RAB31: variants seen among roughly 807,000 people sequenced by gnomAD.
The protein encoded by RAB31 is ras-related protein Rab-31.
A neutral mutation model predicts 25.6 loss-of-function variants in RAB31; 21 were observed. The observed-to-expected ratio is 0.82, with a 90% confidence interval of 0.58 to 1.18. The LOEUF (loss-of-function observed/expected upper bound fraction) is 1.18, where lower values mean the gene tolerates loss of function less well. Among genes scored for constraint, RAB31 ranks in the 50% most tolerant of loss-of-function variants. The probability of loss-of-function intolerance (pLI) is 0.00; values close to 1 mark genes in which losing one functional copy is unlikely to be tolerated. For synonymous variants in RAB31, 87 were observed against 84.0 expected (o/e 1.04, Z -0.20); for missense variants, 196 against 250.1 (o/e 0.78, Z 1.46).
intron 1 of RAB31, among the ~76,000 whole-genome samples, chr18:9,741,254 T>C (rs1379257661): frequency 1.3e-5 from 2 of 151,482 alleles, no homozygotes; most frequent in African/African-American, 4.9e-5. Context: ...CGGGCACCTA[T>C]AATCCCAGCT....
rs189563505 is a variant in RAB31, at chr18:9,777,077, C to T, written c.119+1720C>T. Among the ~76,000 whole-genome samples, 568 of 152,268 alleles carry T rather than the reference C, an allele frequency of 3.7e-3. 3 individuals are homozygous for T. Among genetic ancestry groups the T allele is most frequent in the Middle Eastern group, 0.031 (9 of 294 alleles). ...TATATATCCACCGGAAGCGGTGGTTCACGCCTGTAATTCTAGCTCTTTGGG... is the reference window on the plus strand; with the variant it reads ...TATATATCCACCGGAAGCGGTGGTTTACGCCTGTAATTCTAGCTCTTTGGG... On this transcript the variant is annotated intron_variant, in intron 2 of 6. Transcript: ENST00000578921.
intron 1 of RAB31, among the ~76,000 whole-genome samples, chr18:9,720,183 C>G (rs1162417727): frequency 1.3e-4 from 20 of 152,174 alleles, no homozygotes; most frequent in Non-Finnish European, 1.5e-5. Flanking sequence ...AGGCTGGTCT[C>G]GAACTCCTGA....
In RAB31 at chr18:9,845,518, T is replaced by C. The variant is rs1342668264; in HGVS notation, c.381-64T>C. On this transcript the variant is annotated intron_variant, in intron 5 of 6. Coordinates refer to ENST00000578921, the MANE Select transcript of RAB31 (RefSeq NM_006868.4). ...TGTTGCCGCACAAGCTGTCTGGTCT[T>C]TTGGGTGATTTGTATTTTACAAACA... 5.7e-6 allele frequency: 8 copies of C among 1,400,054 alleles called. No individual in the cohort carries two copies. In the African/African-American group the frequency reaches 1.2e-4, roughly 20 times the overall value. 86.7% of individuals were successfully genotyped at this position (1,400,054 alleles called of 1,614,324 possible). A position where few individuals can be genotyped will look rare whatever the true frequency, so the allele number is the denominator to read the frequency against.
At chr18:9,805,893 G>T (rs1019042067) in intron 3 of RAB31, among the ~76,000 whole-genome samples, 1 of 151,760 alleles carries the variant, frequency 6.6e-6, no homozygotes, top group African/African-American at 2.4e-5. Context: ...GCTGTGTGTC[G>T]ACTGGGCGCA....
chr18:9,798,163 G>T (rs1411628806), intron 3 of RAB31, among the ~76,000 whole-genome samples: 2 of 152,192 alleles, frequency 1.3e-5, no homozygotes, highest in Non-Finnish European at 2.9e-5. Flanking sequence ...TTTAGTTTGG[G>T]ATAACGATTT....
At chr18:9,752,551 C>G (rs983069474) in intron 1 of RAB31, among the ~76,000 whole-genome samples, 2 of 152,186 alleles carry the variant, frequency 1.3e-5, no homozygotes, top group African/African-American at 4.8e-5. Context: ...ATGGACAAAA[C>G]TGTGCAACCT....
intron 1 of RAB31, among the ~76,000 whole-genome samples, chr18:9,710,917 CT>C (rs148344186): frequency 0.02 from 2,963 of 144,780 alleles, 38 homozygotes; most frequent in Non-Finnish European, 0.031. Flanking sequence ...TTGTGGCTTC[CT>C]TTTTTTTTTT....
intron 2 of RAB31, among the ~76,000 whole-genome samples, chr18:9,778,086 C>T (rs1192466655): frequency 1.3e-5 from 2 of 152,126 alleles, no homozygotes; most frequent in Non-Finnish European, 2.9e-5. Context: ...AAAGACAGTG[C>T]ATACTCATAC....
At position 9,792,256 on chromosome 18, in the gene RAB31, G is replaced by A. The variant is rs117648961; in HGVS notation, c.201+21G>A. 718 of 1,600,944 alleles carry A rather than the reference G, an allele frequency of 4.5e-4. 2 individuals are homozygous for A. The East Asian group carries it at 4.8e-3, about 11-fold the overall frequency. On this transcript the variant is annotated intron_variant, in intron 3 of 6. Transcript: ENST00000578921. The stretch of plus-strand genomic sequence containing the variant: ...AACGGGTGAGTATATGCTGTTTTTT[G>A]GTGAAAACAAGATCCAGTGAAAATA...
chr18:9,812,114 C>G (rs1448975883), intron 3 of RAB31, among the ~76,000 whole-genome samples: 1 of 152,152 alleles, frequency 6.6e-6, no homozygotes, highest in African/African-American at 2.4e-5. Flanking sequence ...GTCTCCTTCT[C>G]TCCTTATAAG....
chr18:9,795,613 G>A (rs1002833296), intron 3 of RAB31, among the ~76,000 whole-genome samples: 2 of 152,100 alleles, frequency 1.3e-5, no homozygotes, highest in Admixed American at 6.6e-5. Flanking sequence ...TTATACAAAT[G>A]GCCAATGATC....
intron 1 of RAB31, among the ~76,000 whole-genome samples, chr18:9,738,410 C>T (rs1003345259): frequency 2.4e-4 from 36 of 152,226 alleles, no homozygotes; most frequent in African/African-American, 8.2e-4. Context: ...GAAGGGACCT[C>T]CAGGGAAGGG....
intron 5 of RAB31, among the ~76,000 whole-genome samples, chr18:9,832,407 C>T (rs1329693080): frequency 3.3e-5 from 5 of 152,228 alleles, no homozygotes; most frequent in East Asian, 1.9e-4. Context: ...ACACCCCACA[C>T]GGTTCACAGC....
chr18:9,764,941 TTTTCTTTC>T (rs145117730), intron 1 of RAB31, among the ~76,000 whole-genome samples: 1 of 151,532 alleles, frequency 6.6e-6, no homozygotes, highest in Non-Finnish European at 1.5e-5. Flanking sequence ...GAACCCACCT[TTTTCTTTC>T]TTTCTTTCTT....
chr18:9,782,343 T>C (rs1190527917), intron 2 of RAB31, among the ~76,000 whole-genome samples: 1 of 152,214 alleles, frequency 6.6e-6, no homozygotes, highest in Non-Finnish European at 1.5e-5. Flanking sequence ...CTCACACCAG[T>C]GAGTCCACTC....
chr18:9,805,107 T>A (rs746033957), intron 3 of RAB31, among the ~76,000 whole-genome samples: 1 of 150,562 alleles, frequency 6.6e-6, no homozygotes, highest in East Asian at 2.0e-4. Flanking sequence ...TTTTAAAAAA[T>A]TAGCCAGGTG....
intron 2 of RAB31, among the ~76,000 whole-genome samples, chr18:9,782,962 C>T (rs970475334): frequency 1.3e-5 from 2 of 152,050 alleles, no homozygotes; most frequent in Non-Finnish European, 2.9e-5. Flanking sequence ...AGATCAAAAG[C>T]TAGCAAAGAC....
intron 3 of RAB31, among the ~76,000 whole-genome samples, chr18:9,800,663 T>C (rs139139559): frequency 3.2e-4 from 48 of 152,294 alleles, no homozygotes; most frequent in Non-Finnish European, 6.0e-4. Context: ...TGAGCCAACT[T>C]TCATCTTTTC....
intron 1 of RAB31, among the ~76,000 whole-genome samples, chr18:9,760,708 A>T (rs1291927524): frequency 6.6e-6 from 1 of 152,140 alleles, no homozygotes; most frequent in Non-Finnish European, 1.5e-5. Context: ...GTGGAAGAAC[A>T]ATCCTGTTTC....
Sources: gnomAD v4.1 joint callset for allele counts (sites outside exome capture counted in the v4.1 genomes callset) on GRCh38, gnomAD v4.1.1 for gene constraint, MANE v1.5 for transcripts, NCBI Gene and HGNC (gene_info 2026-07-23, HGNC 2026-07-21) for gene names.